Variants in CSMD1 observed in about 807,000 individuals in gnomAD.
CSMD1 encodes the protein CUB and sushi domain-containing protein 1.
Under a neutral mutation model 417.5 loss-of-function variants are expected in CSMD1, and 213 were observed. That is an observed-to-expected ratio of 0.51 (90% CI 0.46 to 0.57). The LOEUF (loss-of-function observed/expected upper bound fraction) is 0.57. CSMD1 is among the 20% of genes least tolerant of loss of function. CSMD1 has a pLI of 0.00. For missense variants in CSMD1, 6,923 were observed against 4,529.7 expected (o/e 1.53, Z -15.17); for synonymous variants, 2,862 against 1,736.8 (o/e 1.65, Z -16.11).
intron 7 of CSMD1, among the ~76,000 whole-genome samples, chr8:3,706,180 A>G (rs529548147): frequency 6.6e-6 from 1 of 152,366 alleles, no homozygotes; most frequent in Admixed American, 6.5e-5. Flanking sequence ...TGCCCACTGC[A>G]TGCCACACTC....
chr8:4,692,065 T>C (rs1412933065), intron 1 of CSMD1, among the ~76,000 whole-genome samples: 1 of 152,170 alleles, frequency 6.6e-6, no homozygotes, highest in African/African-American at 2.4e-5. Flanking sequence ...GCACACAACC[T>C]ACCCTACAAA....
chr8:4,147,814 C>G (rs1796341770), intron 3 of CSMD1, among the ~76,000 whole-genome samples: 1 of 152,026 alleles, frequency 6.6e-6, no homozygotes, highest in Non-Finnish European at 1.5e-5. Flanking sequence ...CAAAGCCGGG[C>G]AGGAAGACAC....
chr8:3,360,049 T>G (rs949944170), intron 20 of CSMD1, among the ~76,000 whole-genome samples: 1 of 152,148 alleles, frequency 6.6e-6, no homozygotes, highest in Non-Finnish European at 1.5e-5. Context: ...AAGCATAACA[T>G]AAAAGCAAAG....
At chr8:3,546,512 G>C (rs769560460) in intron 10 of CSMD1, among the ~76,000 whole-genome samples, 1 of 150,918 alleles carries the variant, frequency 6.6e-6, no homozygotes, top group Non-Finnish European at 1.5e-5. Context: ...CTCCAGCCTG[G>C]TGACAGAGTG....
intron 1 of CSMD1, among the ~76,000 whole-genome samples, chr8:4,652,658 A>T (rs917490111): frequency 8.0e-5 from 12 of 150,468 alleles, no homozygotes; most frequent in Middle Eastern, 3.2e-3. Flanking sequence ...CTCAAAATTT[A>T]AAAAAAAAGA....
At chr8:4,348,159 C>T (rs892038933) in intron 3 of CSMD1, among the ~76,000 whole-genome samples, 1 of 152,126 alleles carries the variant, frequency 6.6e-6, no homozygotes, top group East Asian at 1.9e-4. Flanking sequence ...GTTTTTAAAA[C>T]ATATTTACTG....
rs146309342 is a variant in CSMD1, at chr8:4,417,662, G to A, written c.415+2291C>T. On this transcript the variant is annotated intron_variant, in intron 3 of 69. Coordinates refer to ENST00000635120, the MANE Select transcript of CSMD1 (RefSeq NM_033225.6). Reference sequence around the variant, plus strand: ...CTTGGTGGGTCAAATAACAGGATCCGTGGGCAGTCTCTCCAAAATAAAAAC... The same window carrying A: ...CTTGGTGGGTCAAATAACAGGATCCATGGGCAGTCTCTCCAAAATAAAAAC... Among the ~76,000 whole-genome samples, 756 of 151,908 alleles carry A rather than the reference G, an allele frequency of 5.0e-3. 1 individual carries two copies. Among genetic ancestry groups the A allele is most frequent in the Middle Eastern group, 0.014 (4 of 294 alleles).
intron 12 of CSMD1, among the ~76,000 whole-genome samples, chr8:3,468,286 G>A (rs1339278080): frequency 1.3e-5 from 2 of 152,082 alleles, no homozygotes; most frequent in South Asian, 4.1e-4. Context: ...CAGGCACAGG[G>A]CTTTCATTTC....
intron 1 of CSMD1, among the ~76,000 whole-genome samples, chr8:4,863,094 A>T (rs1170792807): frequency 1.3e-5 from 2 of 152,106 alleles, no homozygotes; most frequent in Non-Finnish European, 2.9e-5. Context: ...GTAGCCGGAA[A>T]GCTCAGTGGC....
intron 2 of CSMD1, among the ~76,000 whole-genome samples, chr8:4,581,387 T>C (rs527830130): frequency 7.9e-5 from 12 of 152,244 alleles, no homozygotes; most frequent in Non-Finnish European, 1.0e-4. Context: ...TTTTAACTTA[T>C]ATGTTTAAGA....
At chr8:3,084,209 G>A (rs1814351145) in intron 49 of CSMD1, among the ~76,000 whole-genome samples, 1 of 152,084 alleles carries the variant, frequency 6.6e-6, no homozygotes, top group Admixed American at 6.5e-5. Context: ...ACTTAGGGAA[G>A]TATATACAGC....
At chr8:4,697,105 G>T (rs1001255752) in intron 1 of CSMD1, among the ~76,000 whole-genome samples, 1 of 152,134 alleles carries the variant, frequency 6.6e-6, no homozygotes, top group Admixed American at 6.5e-5. Context: ...CCAGGAGGGG[G>T]AGGTTGCAGT....
chr8:3,180,471 G>A (rs1243111001), intron 37 of CSMD1, among the ~76,000 whole-genome samples: 2 of 152,038 alleles, frequency 1.3e-5, no homozygotes, highest in South Asian at 2.1e-4. Flanking sequence ...ATGCTAATAT[G>A]AGTATTTTTT....
intron 1 of CSMD1, among the ~76,000 whole-genome samples, chr8:4,740,724 G>C (rs1008398267): frequency 1.3e-5 from 2 of 152,126 alleles, no homozygotes; most frequent in Non-Finnish European, 2.9e-5. Context: ...CTGCACTCTA[G>C]CATGGGCAAT....
Position 4,200,697 on chromosome 8 carries a change from CAT to C in CSMD1, c.416-168600_416-168599del, listed in dbSNP as rs778702021. Among the ~76,000 whole-genome samples, 5 of 152,174 alleles carry C rather than the reference CAT, an allele frequency of 3.3e-5. No individual in the cohort carries two copies. In the South Asian group the frequency reaches 1.0e-3, roughly 32 times the overall value. On this transcript the variant is annotated intron_variant, in intron 3 of 69. Coordinates refer to ENST00000635120, the MANE Select transcript of CSMD1 (RefSeq NM_033225.6). ...GTAGGAAGACCGCACCTCTACAAAA[CAT>C]AACAATTAAAAAACTAGCCAGACAT...
intron 5 of CSMD1, among the ~76,000 whole-genome samples, chr8:3,991,939 T>G (rs577051343): frequency 1.3e-5 from 2 of 152,128 alleles, no homozygotes; most frequent in Non-Finnish European, 2.9e-5. Context: ...TTTCTTGTTA[T>G]ATAACAAACA....
At chr8:3,462,922 G>T (rs1320349371) in intron 12 of CSMD1, among the ~76,000 whole-genome samples, 1 of 152,156 alleles carries the variant, frequency 6.6e-6, no homozygotes, top group African/African-American at 2.4e-5. Context: ...CATGATGAGG[G>T]TGGAGCCCCT....
intron 7 of CSMD1, among the ~76,000 whole-genome samples, chr8:3,669,735 G>C (rs1259072397): frequency 6.6e-6 from 1 of 152,106 alleles, no homozygotes; most frequent in Non-Finnish European, 1.5e-5. Context: ...CAGGAGGACA[G>C]GGGCCCTGAC....
At chr8:4,473,211 G>T (rs376255808) in intron 2 of CSMD1, among the ~76,000 whole-genome samples, 1 of 152,086 alleles carries the variant, frequency 6.6e-6, no homozygotes, top group Admixed American at 6.5e-5. Context: ...AATTATAAAT[G>T]ATTAAAAAGT....
Sources: gnomAD v4.1 joint callset for allele counts (sites outside exome capture counted in the v4.1 genomes callset) on GRCh38, gnomAD v4.1.1 for gene constraint, MANE v1.5 for transcripts, NCBI Gene and HGNC (gene_info 2026-07-23, HGNC 2026-07-21) for gene names.